SPAST: variants seen among roughly 807,000 people sequenced by gnomAD.
SPAST encodes spastin, also known as spastic paraplegia 4 (autosomal dominant; spastin).
In SPAST, 30 loss-of-function variants were observed where a neutral mutation model predicts 76.6. The observed-to-expected ratio is 0.39, with a 90% CI of 0.29 to 0.53. The LOEUF (loss-of-function observed/expected upper bound fraction) is 0.53. Among genes scored for constraint, SPAST ranks in the 20% least tolerant of loss-of-function variants. SPAST has a pLI of 0.68. For missense variants in SPAST, 717 were observed against 770.5 expected, an observed-to-expected ratio of 0.93 and a Z score of 0.82; for synonymous variants, 305 against 281.0, an observed-to-expected ratio of 1.09 and a Z score of -0.86.
At chr2:32,074,434 C>G (rs1345337063) in intron 1 of SPAST, among the ~76,000 whole-genome samples, 2 of 151,978 alleles carry the variant, frequency 1.3e-5, no homozygotes, top group Non-Finnish European at 1.5e-5. Context: ...AGGTCAAATA[C>G]CAAGGTTTAG....
At chr2:32,065,486 G>T (rs561485951) in intron 1 of SPAST, among the ~76,000 whole-genome samples, 10 of 152,166 alleles carry the variant, frequency 6.6e-5, no homozygotes, top group Non-Finnish European at 1.2e-4. Flanking sequence ...CAGCATTTTA[G>T]AGATGAAGAA....
Position 32,154,602 on chromosome 2 carries a change from T to C in SPAST, c.*106T>C. 1 of 1,142,306 alleles carries C rather than the reference T, an allele frequency of 8.8e-7. No individual in the cohort carries two copies. Among genetic ancestry groups the C allele is most frequent in the South Asian group, 1.3e-5 (1 of 78,306 alleles). 70.8% of individuals were successfully genotyped at this position (1,142,306 alleles called of 1,614,324 possible). On this transcript the variant is annotated 3_prime_UTR_variant, in exon 17 of 17. Transcript: ENST00000315285. ...AAACAGCCTAAGTTTACAGGACTTT[T>C]TAGAGTCTTACATATTTGTGCACCA...
At chr2:32,073,665 A>G (rs554096572) in intron 1 of SPAST, among the ~76,000 whole-genome samples, 2 of 152,258 alleles carry the variant, frequency 1.3e-5, no homozygotes, top group Non-Finnish European at 2.9e-5. Flanking sequence ...AGTCCTGCAA[A>G]GCCAGTGAAG....
At chr2:32,078,200 C>T (rs1020074660) in intron 1 of SPAST, among the ~76,000 whole-genome samples, 7 of 152,014 alleles carry the variant, frequency 4.6e-5, no homozygotes, top group Admixed American at 2.0e-4. Flanking sequence ...CCGTTTTAGC[C>T]GGGATGGTCT....
intron 8 of SPAST, chr2:32,127,263 ACACG>A: frequency 2.0e-6 from 1 of 488,896 alleles, no homozygotes; most frequent in South Asian, 2.1e-5. Flanking sequence ...GATTACAGGC[ACACG>A]CCACCACACC....
rs1462628095 is a variant in SPAST at position 32,063,984 on chromosome 2, C to T, written c.153C>T (p.Tyr51=). Residue 51 remains tyrosine, a synonymous_variant, in exon 1 of 17, where the codon TAC becomes TAT. Transcript: ENST00000315285. The stretch of plus-strand genomic sequence containing the variant: ...AGTCGCCGCATAAGCGGAACCTGTA[C>T]TATTTCTCCTACCCGCTGTTTGTAG... ...PPESPHKRNL[Y]YFSYPLFVGF... is the part of the protein sequence containing the mutation. The T allele has an allele frequency of 3.1e-6, 5 of 1,613,368 alleles. No individual in the cohort carries two copies. The East Asian group carries it at 6.7e-5, about 22-fold the overall frequency.
At chr2:32,106,803 A>G (rs1678339529) in intron 4 of SPAST, among the ~76,000 whole-genome samples, 1 of 152,070 alleles carries the variant, frequency 6.6e-6, no homozygotes, top group Non-Finnish European at 1.5e-5. Context: ...CTGATTTAAA[A>G]TGCTGTTTCA....
rs1678760777 is a variant in SPAST at position 32,114,766 on chromosome 2, G to A, written c.811G>A (p.Gly271Ser). The A allele has an allele frequency of 6.2e-7, 1 of 1,614,026 alleles. No individual in the cohort carries two copies. ...SGHHRAPSYS[G>S]LSMVSGVKQG... is the part of the protein sequence containing the mutation. ...CCACCATAGAGCACCTAGTTACAGTGGTTTATCCATGGTTTCTGGAGTGAA... is the reference window on the plus strand; with the variant it reads ...CCACCATAGAGCACCTAGTTACAGTAGTTTATCCATGGTTTCTGGAGTGAA... Residue 271 changes from glycine (G) to serine (S), a missense_variant, in exon 5 of 17, where the codon GGT (glycine) becomes AGT (serine). Physicochemically the swap from Gly to Ser is moderately conservative, Grantham distance 56. This residue lies in a region of SPAST where 543 missense variants were observed against 445.2 expected (regional missense o/e 1.22). Coordinates refer to ENST00000315285, the MANE Select transcript of SPAST (RefSeq NM_014946.4).
intron 10 of SPAST, 79 bp downstream of exon 10, chr2:32,136,717 CATT>C (rs1679547925): frequency 7.4e-6 from 10 of 1,358,840 alleles, no homozygotes; most frequent in Middle Eastern, 1.9e-4. Flanking sequence ...CGATTGGAAA[CATT>C]ATTCAGAAGG....
At chr2:32,108,800 C>G (rs1678423395) in intron 4 of SPAST, among the ~76,000 whole-genome samples, 1 of 127,552 alleles carries the variant, frequency 7.8e-6, no homozygotes, top group Non-Finnish European at 1.6e-5. Context: ...GAGTCTCACT[C>G]TGTCGCCCAG....
intron 1 of SPAST, among the ~76,000 whole-genome samples, chr2:32,069,928 G>C (rs1043422481): frequency 5.3e-5 from 8 of 151,726 alleles, no homozygotes; most frequent in African/African-American, 1.7e-4. Context: ...CTGTAGTAGT[G>C]TTAATTGAAA....
chr2:32,079,627 C>CTG (rs2148701793), intron 1 of SPAST, among the ~76,000 whole-genome samples: 1 of 142,354 alleles, frequency 7.0e-6, no homozygotes, highest in East Asian at 2.3e-4. Flanking sequence ...GTAGCACAAT[C>CTG]AACTCACTGC....
At chr2:32,094,029 C>T (rs1677829535) in intron 3 of SPAST, among the ~76,000 whole-genome samples, 1 of 152,160 alleles carries the variant, frequency 6.6e-6, no homozygotes, top group Admixed American at 6.5e-5. Context: ...GGATCATTCT[C>T]TCCATTTTCC....
intron 1 of SPAST, among the ~76,000 whole-genome samples, chr2:32,070,225 C>T (rs930508237): frequency 2.0e-5 from 3 of 152,012 alleles, no homozygotes; most frequent in Middle Eastern, 3.4e-3. Context: ...ACCACTATGC[C>T]TGGCTAATAT....
At position 32,109,935 on chromosome 2, in the gene SPAST, T is replaced by C. The variant is rs201035924; in HGVS notation, c.683-4703T>C. Among the ~76,000 whole-genome samples, 236 of 88,182 alleles carry C rather than the reference T, an allele frequency of 2.7e-3. 1 individual carries two copies. Among genetic ancestry groups the C allele is most frequent in the East Asian group, 0.014 (20 of 1,458 alleles). 57.9% of individuals were successfully genotyped at this position (88,182 alleles called of 152,430 possible). A position where few individuals can be genotyped will look rare whatever the true frequency, so the allele number is the denominator to read the frequency against. ...ATATAGTTACATATGTATATGCATA[T>C]ACATATATAGTTACATATGTATATG... On this transcript the variant is annotated intron_variant, in intron 4 of 16. Transcript: ENST00000315285.
chr2:32,123,361 T>C (rs777789540), intron 7 of SPAST, among the ~76,000 whole-genome samples: 1 of 152,136 alleles, frequency 6.6e-6, no homozygotes, highest in Non-Finnish European at 1.5e-5. Context: ...AGAAGAATTA[T>C]AGCACTCATG....
chr2:32,129,497 G>A (rs1679301935), intron 9 of SPAST: 1 of 152,062 alleles, frequency 6.6e-6, no homozygotes, highest in African/African-American at 2.4e-5. Flanking sequence ...GTCTAGTTTT[G>A]GGGTAGGGCA....
At chr2:32,091,611 T>A (rs1378345227) in intron 3 of SPAST, among the ~76,000 whole-genome samples, 1 of 149,032 alleles carries the variant, frequency 6.7e-6, no homozygotes, top group East Asian at 2.1e-4. Flanking sequence ...GGCGGGTGGA[T>A]CACGAGGTCA....
chr2:32,124,143 A>G (rs928551413), intron 7 of SPAST, among the ~76,000 whole-genome samples: 4 of 152,326 alleles, frequency 2.6e-5, no homozygotes, highest in African/African-American at 7.2e-5. Context: ...CCAGTATCCA[A>G]AATATACAAA....
Sources: gnomAD v4.1 joint callset for allele counts (sites outside exome capture counted in the v4.1 genomes callset) on GRCh38, gnomAD v4.1.1 for gene constraint, gnomAD v4.1.1 regional missense constraint, MANE v1.5 for transcripts, NCBI Gene and HGNC (gene_info 2026-07-23, HGNC 2026-07-21) for gene names.